Variants in CFAP57 observed in about 807,000 individuals in gnomAD.
The protein encoded by CFAP57 is cilia and flagella associated protein 57.
In CFAP57, 116 loss-of-function variants were observed where a neutral mutation model predicts 146.8. The ratio of observed to expected loss-of-function variants is 0.79; its 90% CI spans 0.68 to 0.92. CFAP57 has a LOEUF of 0.92. Among genes scored for constraint, CFAP57 ranks in the 40% least tolerant of loss-of-function variants. The pLI is 0.00. For synonymous variants in CFAP57, 518 were observed against 552.8 expected (o/e 0.94, Z 0.88); for missense variants, 1,377 against 1,527.2 (o/e 0.90, Z 1.64).
intron 15 of CFAP57, 40 bp from the exon 16 acceptor site, chr1:43,222,784 C>G (rs1255121036): frequency 8.1e-6 from 12 of 1,482,544 alleles, no homozygotes; most frequent in Non-Finnish European, 1.1e-5. Flanking sequence ...ATGTGTGAGT[C>G]CCTTCTCCCC....
intron 18 of CFAP57, among the ~76,000 whole-genome samples, chr1:43,231,353 G>GA (rs1190926779): frequency 4.6e-5 from 7 of 152,016 alleles, no homozygotes; most frequent in South Asian, 2.1e-4. Context: ...ACCTAGCCGT[G>GA]AAAAAATCCA....
intron 6 of CFAP57, chr1:43,195,022 C>T (rs956398499): frequency 2.0e-5 from 3 of 152,026 alleles, no homozygotes; most frequent in Non-Finnish European, 4.4e-5. Context: ...ACTATATTGT[C>T]AAAAATTAAA....
Position 43,183,850 on chromosome 1 carries a change from G to T in CFAP57, c.734G>T (p.Ser245Ile). ...AAGGAACCTACCAATGGCTCAAAGA[G>T]CCTGGATGTCATTCAGGAATCAGAG... ...MVKEPTNGSK[S>I]LDVIQESESL... is the part of the protein sequence containing the mutation. The change falls in exon 4 of 23, where the codon AGC becomes ATC. Residue 245 changes from serine to isoleucine, a missense_variant. Ser to Ile is a moderately radical substitution (Grantham distance 142). Transcript: ENST00000372492. The T allele has an allele frequency of 1.2e-6, 2 of 1,614,152 alleles. No individual in the cohort carries two copies. Among genetic ancestry groups the T allele is most frequent in the Non-Finnish European group, 1.7e-6 (2 of 1,180,020 alleles).
chr1:43,172,365 G>A lies in CFAP57; in HGVS notation c.-108G>A. ...TGTCGTTGCTATAGGAACCGCTACGGCGTTTGAAAGTGTCCGGGTTGCTTA... is the reference window on the plus strand; with the variant it reads ...TGTCGTTGCTATAGGAACCGCTACGACGTTTGAAAGTGTCCGGGTTGCTTA... On this transcript the variant is annotated 5_prime_UTR_variant, in exon 1 of 23. Transcript: ENST00000372492. The A allele has an allele frequency of 6.4e-7, 1 of 1,551,620 alleles. No individual in the cohort carries two copies. The highest frequency in any genetic ancestry group is 1.4e-5 in the African/African-American group (1 of 73,110).
intron 11 of CFAP57, among the ~76,000 whole-genome samples, chr1:43,213,657 T>G (rs1229491112): frequency 6.6e-6 from 1 of 152,184 alleles, no homozygotes; most frequent in Admixed American, 6.5e-5. Flanking sequence ...GTTGTACTAA[T>G]TTACCTTCCC....
intron 16 of CFAP57, 89 bp from the exon 17 acceptor site, chr1:43,223,957 G>C (rs751577622): frequency 4.1e-6 from 6 of 1,459,910 alleles, no homozygotes; most frequent in Non-Finnish European, 5.5e-6. Flanking sequence ...GGTGGCCAGT[G>C]GTGGGGAGCC....
At chr1:43,223,227 G>C (rs1159757668) in intron 16 of CFAP57, among the ~76,000 whole-genome samples, 1 of 152,194 alleles carries the variant, frequency 6.6e-6, no homozygotes. Flanking sequence ...CTTTTCACAG[G>C]ATATTGGGGT....
chr1:43,250,734 A>C (rs1371446316), intron 22 of CFAP57, among the ~76,000 whole-genome samples: 1 of 152,118 alleles, frequency 6.6e-6, no homozygotes, highest in Non-Finnish European at 1.5e-5. Flanking sequence ...TTCCATAAAG[A>C]ATTTCCCAAA....
chr1:43,197,672 C>T lies in CFAP57; in HGVS notation c.1242C>T (p.Arg414=), dbSNP rs1254087139. ...IATCSLDRSI[R]LWNYETNTLE... ...CCTGTTCTCTGGATCGATCCATCCGCCTTTGGAATTATGAAACAAAGTAAG... is the reference window on the plus strand; with the variant it reads ...CCTGTTCTCTGGATCGATCCATCCGTCTTTGGAATTATGAAACAAAGTAAG... The change falls in exon 7 of 23, where the codon CGC becomes CGT. Residue 414 remains arginine (R), a synonymous_variant. Coordinates refer to ENST00000372492, the MANE Select transcript of CFAP57 (RefSeq NM_001378189.1). 1 of 1,613,962 alleles carries T rather than the reference C, an allele frequency of 6.2e-7. No homozygotes were observed. The highest frequency in any genetic ancestry group is 8.5e-7 in the Non-Finnish European group (1 of 1,180,030).
chr1:43,240,874 G>A (rs1448104668), intron 21 of CFAP57, among the ~76,000 whole-genome samples: 2 of 152,166 alleles, frequency 1.3e-5, no homozygotes, highest in Non-Finnish European at 2.9e-5. Flanking sequence ...TCGCTCTGTC[G>A]CCCAGGCTGG....
At chr1:43,234,756 G>A (rs541663208) in intron 21 of CFAP57, 118 bp downstream of exon 21, 3 of 1,271,880 alleles carry the variant, frequency 2.4e-6, no homozygotes, top group Non-Finnish European at 2.1e-6. Flanking sequence ...TGGGGGCCCA[G>A]TAGCTCCCCC....
chr1:43,241,263 C>G (rs1487063876), intron 21 of CFAP57, among the ~76,000 whole-genome samples: 1 of 152,158 alleles, frequency 6.6e-6, no homozygotes, highest in East Asian at 1.9e-4. Flanking sequence ...CCTCTAGGCC[C>G]CACCTCCAAC....
Position 43,201,904 on chromosome 1 carries a change from C to T in CFAP57, c.1542+2401C>T, listed in dbSNP as rs904310034. Among the ~76,000 whole-genome samples the T allele has an allele frequency of 2.0e-5, 3 of 152,108 alleles. No homozygotes were observed. Among genetic ancestry groups the T allele is most frequent in the Admixed American group, 2.0e-4 (3 of 15,256 alleles). ...TCCTGGGATTACAGGCGTGAGCCAC[C>T]GCGCCTGGCCCACGGACATTATTAA... On this transcript the variant is annotated intron_variant, in intron 9 of 22. Coordinates refer to ENST00000372492, the MANE Select transcript of CFAP57 (RefSeq NM_001378189.1). This position sits in a 1 kb window ranked among gnomAD's most constrained non-coding sequence, Gnocchi z 4.4.
rs1300431021 is a variant in CFAP57 at position 43,222,804 on chromosome 1, G to A, written c.2533-20G>A. 1.8e-5 allele frequency: 28 copies of A among 1,521,708 alleles called. No individual in the cohort carries two copies. Among genetic ancestry groups the A allele is most frequent in the South Asian group, 2.5e-5 (2 of 78,516 alleles). The allele number at this position is 1,521,708 out of a possible 1,614,324, so 94.3% of individuals were successfully genotyped here. On this transcript the variant is annotated intron_variant, in intron 15 of 22. Transcript: ENST00000372492. The stretch of plus-strand genomic sequence containing the variant: ...TGAGTCCCTTCTCCCCTGACCACAC[G>A]CCCACTCTCTCTGAGCCAGGCACAG...
chr1:43,197,812 T>C, intron 7 of CFAP57, 120 bp downstream of exon 7: 1 of 1,421,228 alleles, frequency 7.0e-7, no homozygotes, highest in Non-Finnish European at 9.7e-7. Flanking sequence ...TTGGAAAAGA[T>C]TTTTAAAAAA....
At chr1:43,227,712 C>G (rs138169867) in intron 18 of CFAP57, among the ~76,000 whole-genome samples, 32 of 152,200 alleles carry the variant, frequency 2.1e-4, no homozygotes, top group Non-Finnish European at 4.4e-4. Context: ...CCCCCATGCC[C>G]CCCACCACAC....
At chr1:43,231,718 A>AAAAAAAAAAAAAAG (rs373943745) in intron 18 of CFAP57, among the ~76,000 whole-genome samples, 1 of 144,268 alleles carries the variant, frequency 6.9e-6, no homozygotes, top group Admixed American at 7.0e-5. Context: ...AAAAAAAAAA[A>AAAAAAAAAAAAAAG]TTAGTTGGGC....
intron 17 of CFAP57, among the ~76,000 whole-genome samples, chr1:43,226,637 G>C (rs1197612935): frequency 6.6e-6 from 1 of 152,256 alleles, no homozygotes; most frequent in Non-Finnish European, 1.5e-5. Context: ...AAGGGAAGGG[G>C]ATTCGCTTCC....
In CFAP57 at chr1:43,223,101, T is replaced by G. The variant is rs780228053; in HGVS notation, c.2706+104T>G. On this transcript the variant is annotated intron_variant, in intron 16 of 22. Transcript: ENST00000372492. ...TGGGGGTGCTGGCCAGGGTCCTGCC[T>G]GTCCCCATCTTCAGCGAGCAGGCTG... The G allele has an allele frequency of 6.3e-6, 8 of 1,263,076 alleles. No individual in the cohort carries two copies. The South Asian group carries it at 1.3e-4, about 21-fold the overall frequency. The allele number at this position is 1,263,076 out of a possible 1,614,324, so 78.2% of individuals were successfully genotyped here. A position where few individuals can be genotyped will look rare whatever the true frequency, so the allele number is the denominator to read the frequency against.
Sources: allele counts gnomAD v4.1 joint callset (sites outside exome capture counted in the v4.1 genomes callset), GRCh38; gene constraint gnomAD v4.1.1; non-coding constraint Gnocchi (gnomAD v3.1); transcripts MANE v1.5; gene names NCBI Gene and HGNC (gene_info 2026-07-23, HGNC 2026-07-21).